LTBP1: variants seen among roughly 807,000 people sequenced by gnomAD.
LTBP1 encodes latent-transforming growth factor beta-binding protein 1.
In LTBP1, 129 loss-of-function variants were observed where a neutral mutation model predicts 207.6. That is an observed-to-expected ratio of 0.62 (90% CI 0.54 to 0.72). LTBP1 has a LOEUF of 0.72. Ranked by LOEUF, LTBP1 falls within the 30% of genes least tolerant of loss-of-function variation. LTBP1 has a pLI of 0.00. For synonymous variants in LTBP1, 963 were observed against 833.7 expected, an observed-to-expected ratio of 1.16 and a Z score of -2.67; for missense variants, 2,281 against 2,217.2, an observed-to-expected ratio of 1.03 and a Z score of -0.58.
chr2:33,015,608 A>G (rs1264475463), intron 2 of LTBP1, among the ~76,000 whole-genome samples: 2 of 118,716 alleles, frequency 1.7e-5, no homozygotes, highest in Admixed American at 2.3e-4. Context: ...CAAGAGCCAG[A>G]TGGTACAAAG....
intron 2 of LTBP1, among the ~76,000 whole-genome samples, chr2:32,953,935 T>C (rs946382112): frequency 7.9e-5 from 12 of 152,172 alleles, no homozygotes; most frequent in African/African-American, 2.9e-4. Context: ...ACCCTTTTAA[T>C]ACGGACCAAA....
chr2:33,153,947 C>T (rs966365103), intron 5 of LTBP1, among the ~76,000 whole-genome samples: 1 of 152,162 alleles, frequency 6.6e-6, no homozygotes, highest in African/African-American at 2.4e-5. Context: ...ATTCCCCCAG[C>T]CCCCTCCTGC....
At chr2:33,003,275 T>C (rs1686313537) in intron 2 of LTBP1, among the ~76,000 whole-genome samples, 1 of 152,044 alleles carries the variant, frequency 6.6e-6, no homozygotes, top group Non-Finnish European at 1.5e-5. Flanking sequence ...TTTGCAAGAG[T>C]AATTTTGACT....
rs1261214559 is a variant in LTBP1, at chr2:33,398,955, C to T, written c.*410C>T. 1 of 153,032 alleles carries T rather than the reference C, an allele frequency of 6.5e-6. No individual in the cohort carries two copies. The highest frequency in any genetic ancestry group is 1.5e-5 in the Non-Finnish European group (1 of 68,454). 9.5% of individuals were successfully genotyped at this position (153,032 alleles called of 1,614,324 possible). A position where few individuals can be genotyped will look rare whatever the true frequency, so the allele number is the denominator to read the frequency against. On this transcript the variant is annotated 3_prime_UTR_variant, in exon 34 of 34. Transcript: ENST00000404816. ...TTCCTTGGCTACTGTTTTTCTTTTACTTCAGTTTTTTAAAAATCTCAAATG... is the reference window on the plus strand; with the variant it reads ...TTCCTTGGCTACTGTTTTTCTTTTATTTCAGTTTTTTAAAAATCTCAAATG...
chr2:33,398,723 A>G lies in LTBP1; in HGVS notation c.*178A>G, dbSNP rs991381163. Reference sequence around the variant, plus strand: ...TTAGGATGAGCCCGATAGGTGTGGCAGACCAAATGGACATTTCTCTAAAAA... The same window carrying G: ...TTAGGATGAGCCCGATAGGTGTGGCGGACCAAATGGACATTTCTCTAAAAA... On this transcript the variant is annotated 3_prime_UTR_variant, in exon 34 of 34. Coordinates refer to ENST00000404816, the MANE Select transcript of LTBP1 (RefSeq NM_206943.4). The G allele has an allele frequency of 1.9e-5, 10 of 522,284 alleles. No individual in the cohort carries two copies. The highest frequency in any genetic ancestry group is 3.0e-5 in the Non-Finnish European group (9 of 304,296). The allele number at this position is 522,284 out of a possible 1,614,324, so 32.4% of individuals were successfully genotyped here. A position where few individuals can be genotyped will look rare whatever the true frequency, so the allele number is the denominator to read the frequency against.
At chr2:33,375,116 A>G (rs904665373) in intron 31 of LTBP1, among the ~76,000 whole-genome samples, 1 of 152,224 alleles carries the variant, frequency 6.6e-6, no homozygotes, top group Non-Finnish European at 1.5e-5. Flanking sequence ...TGTGATCCGT[A>G]TGTTAATTTC....
chr2:33,025,946 A>G (rs2075392446), intron 3 of LTBP1, among the ~76,000 whole-genome samples: 4 of 152,192 alleles, frequency 2.6e-5, no homozygotes, highest in African/African-American at 9.7e-5. Context: ...TAATGCTATG[A>G]TATCTCCAAG....
At position 33,378,222 on chromosome 2, in the gene LTBP1, TTTTG is replaced by T. The variant is rs1437302647; in HGVS notation, c.4712-10946_4712-10943del. 2.7e-3 allele frequency among the ~76,000 whole-genome samples: 386 copies of T among 141,908 alleles called. 2 individuals are homozygous for T. The highest frequency in any genetic ancestry group is 9.3e-3 in the African/African-American group (317 of 34,186). 93.1% of individuals were successfully genotyped at this position (141,908 alleles called of 152,430 possible). ...GTGTGTGTGTGTGTGTGTGTGTGTG[TTTTG>T]TTTGTTTGTTTGTTTTGGAGACAGA... is the stretch of plus-strand genomic sequence containing the variant. On this transcript the variant is annotated intron_variant, in intron 31 of 33. Transcript: ENST00000404816.
chr2:33,192,985 C>A (rs936571975), intron 7 of LTBP1, among the ~76,000 whole-genome samples: 1 of 152,082 alleles, frequency 6.6e-6, no homozygotes, highest in Non-Finnish European at 1.5e-5. Context: ...TCCCATACTC[C>A]TAACACTGTC....
intron 3 of LTBP1, among the ~76,000 whole-genome samples, chr2:33,083,559 G>C (rs1006405838): frequency 6.6e-6 from 1 of 152,062 alleles, no homozygotes; most frequent in African/African-American, 2.4e-5. Flanking sequence ...GGAGACCCCA[G>C]GGGAGGCTCC....
At chr2:33,216,626 A>G (rs2149356714) in intron 7 of LTBP1, among the ~76,000 whole-genome samples, 1 of 152,314 alleles carries the variant, frequency 6.6e-6, no homozygotes, top group East Asian at 1.9e-4. Context: ...AGAGAAAGGC[A>G]GAATAACCCC....
intron 20 of LTBP1, among the ~76,000 whole-genome samples, chr2:33,299,590 A>G (rs1353565522): frequency 6.6e-6 from 1 of 151,984 alleles, no homozygotes; most frequent in Non-Finnish European, 1.5e-5. Context: ...ATAATCATAA[A>G]CTCTTATAAG....
intron 23 of LTBP1, among the ~76,000 whole-genome samples, chr2:33,309,792 C>T (rs1279842519): frequency 6.6e-6 from 1 of 152,182 alleles, no homozygotes; most frequent in African/African-American, 2.4e-5. Flanking sequence ...CTGCGTGCTT[C>T]CGTCACCTGT....
At chr2:32,961,182 A>C (rs746109047) in intron 2 of LTBP1, among the ~76,000 whole-genome samples, 7 of 152,188 alleles carry the variant, frequency 4.6e-5, no homozygotes, top group Non-Finnish European at 8.8e-5. Context: ...TCCACACACA[A>C]ATTATTCTCA....
At chr2:33,267,801 A>G (rs981208359) in intron 15 of LTBP1, among the ~76,000 whole-genome samples, 1 of 152,264 alleles carries the variant, frequency 6.6e-6, no homozygotes, top group African/African-American at 2.4e-5. Context: ...ATTTAAATGT[A>G]GCTGTGTGAA....
chr2:33,389,284 C>A lies in LTBP1; in HGVS notation c.4812C>A (p.Ala1604=). The A allele has an allele frequency of 6.2e-7, 1 of 1,614,134 alleles. No individual in the cohort carries two copies. The change falls in exon 32 of 34, where the codon GCC becomes GCA. Residue 1604 remains alanine, a synonymous_variant. Coordinates refer to ENST00000404816, the MANE Select transcript of LTBP1 (RefSeq NM_206943.4). ...VDFSEQYTPE[A]DPYFIQDRFL... The stretch of plus-strand genomic sequence containing the variant: ...TCAGTGAACAGTATACTCCAGAAGC[C>A]GATCCCTACTTCATCCAAGACCGTA...
chr2:33,091,402 G>A (rs150715244), intron 3 of LTBP1, among the ~76,000 whole-genome samples: 2 of 152,246 alleles, frequency 1.3e-5, no homozygotes, highest in Non-Finnish European at 2.9e-5. Context: ...TTTTAATGAT[G>A]AAGCAACTAA....
At chr2:33,386,373 A>G (rs1445350455) in intron 31 of LTBP1, among the ~76,000 whole-genome samples, 1 of 152,098 alleles carries the variant, frequency 6.6e-6, no homozygotes, top group Non-Finnish European at 1.5e-5. Context: ...TGGTGGAGGA[A>G]GCATGTCTAG....
At chr2:33,334,420 G>T (rs575974006) in intron 24 of LTBP1, among the ~76,000 whole-genome samples, 1 of 152,322 alleles carries the variant, frequency 6.6e-6, no homozygotes, top group East Asian at 1.9e-4. Context: ...TGAATTTGGG[G>T]TCTTTAATGA....
Sources: gnomAD v4.1 joint callset for allele counts (sites outside exome capture counted in the v4.1 genomes callset) on GRCh38, gnomAD v4.1.1 for gene constraint, MANE v1.5 for transcripts, NCBI Gene and HGNC (gene_info 2026-07-23, HGNC 2026-07-21) for gene names.